Variants in FN3KRP observed in about 807,000 individuals in gnomAD.
FN3KRP encodes the protein fructosamine 3 kinase related protein, also known as ketosamine-3-kinase.
A neutral mutation model predicts 29.8 loss-of-function variants in FN3KRP; 33 were observed. The ratio of observed to expected loss-of-function variants is 1.11; its 90% CI spans 0.84 to 1.48. The LOEUF (loss-of-function observed/expected upper bound fraction) is 1.48, where lower values mean the gene tolerates loss of function less well. Ranked by LOEUF, FN3KRP falls within the 40% of genes most tolerant of loss-of-function variation. The pLI is 0.00. For missense variants in FN3KRP, 430 were observed against 402.6 expected (o/e 1.07, Z -0.58); for synonymous variants, 157 against 155.2 (o/e 1.01, Z -0.09).
chr17:82,726,383 C>T (rs1433302588), intron 4 of FN3KRP, 97 bp from the exon 5 acceptor site: 42 of 1,501,146 alleles, frequency 2.8e-5, no homozygotes, highest in Non-Finnish European at 3.8e-5. Context: ...CGTGCCGCTC[C>T]TGCAGCCCTC....
chr17:82,719,823 C>T (rs1266081343), intron 2 of FN3KRP, among the ~76,000 whole-genome samples: 1 of 152,058 alleles, frequency 6.6e-6, no homozygotes, highest in Non-Finnish European at 1.5e-5. Flanking sequence ...TAATCAACAC[C>T]TTTATCCCCC....
chr17:82,726,009 C>G (rs9889672), intron 4 of FN3KRP, among the ~76,000 whole-genome samples: 87 of 152,216 alleles, frequency 5.7e-4, no homozygotes, highest in African/African-American at 1.8e-3. Flanking sequence ...GAAACCCCGT[C>G]TCTACTAAAA....
chr17:82,725,206 C>T (rs1292487003), intron 4 of FN3KRP, among the ~76,000 whole-genome samples: 2 of 152,132 alleles, frequency 1.3e-5, no homozygotes, highest in African/African-American at 2.4e-5. Context: ...TAGCTCACTG[C>T]AGCCTCAAAC....
At chr17:82,726,206 G>A (rs2046835916) in intron 4 of FN3KRP, among the ~76,000 whole-genome samples, 1 of 151,520 alleles carries the variant, frequency 6.6e-6, no homozygotes, top group Non-Finnish European at 1.5e-5. Flanking sequence ...AAAAAAAAAT[G>A]TTCTAGAAGC....
In FN3KRP at chr17:82,727,301, T is replaced by G; in HGVS notation, c.*130T>G. On this transcript the variant is annotated 3_prime_UTR_variant, in exon 6 of 6. Transcript: ENST00000269373. ...GCTTATTTCCAAGCCTTGCAAAGTA[T>G]ATAATATCTAAGAGGAAAGGTTTTG... 1 of 818,502 alleles carries G rather than the reference T, an allele frequency of 1.2e-6. No individual in the cohort carries two copies. The highest frequency in any genetic ancestry group is 2.7e-5 in the Admixed American group (1 of 36,392). 50.7% of individuals were successfully genotyped at this position (818,502 alleles called of 1,614,324 possible). A position where few individuals can be genotyped will look rare whatever the true frequency, so the allele number is the denominator to read the frequency against.
In FN3KRP at chr17:82,719,074, C is replaced by CCCCCCAT. The variant is rs1366219653; in HGVS notation, c.293+23_293+24insTCCCCCA. On this transcript the variant is annotated intron_variant, in intron 2 of 5. Transcript: ENST00000269373. ...TCTGAGCAGGTGCATCTTCACACCA[C>CCCCCCAT]CCCCCACCTGGCTTTATTACCTGAG... 2.5e-6 allele frequency: 4 copies of CCCCCCAT among 1,580,008 alleles called. No individual in the cohort carries two copies. The African/African-American group carries it at 4.2e-5, about 17-fold the overall frequency.
rs1301670778 is a variant in FN3KRP at position 82,727,007 on chromosome 17, A to T, written c.766A>T (p.Ser256Cys). 3.0e-5 allele frequency: 48 copies of T among 1,614,132 alleles called. No homozygotes were observed. The highest frequency in any genetic ancestry group is 4.0e-5 in the Non-Finnish European group (47 of 1,180,034). ...AATAGCTGGCATGTTTGGGGGCTTT[A>T]GCAGCTCCTTTTACTCCGCCTACCA... ...LAIAGMFGGF[S>C]SSFYSAYHGK... Residue 256 changes from serine (S) to cysteine (C), a missense_variant, in exon 6 of 6, where the codon AGC becomes TGC. Coordinates refer to ENST00000269373, the MANE Select transcript of FN3KRP (RefSeq NM_024619.4).
rs138910887 is a variant in FN3KRP, at chr17:82,726,854, C to A, written c.613C>A (p.Arg205Ser). 1.3e-6 allele frequency: 2 copies of A among 1,548,524 alleles called. No individual in the cohort carries two copies. The highest frequency in any genetic ancestry group is 4.0e-5 in the Admixed American group (2 of 49,608). ...GCAGTTAAAGATCCCTGACCTGTTCCGTGACCTGGAGATCATCCCAGCCTT... is the reference window on the plus strand; with the variant it reads ...GCAGTTAAAGATCCCTGACCTGTTCAGTGACCTGGAGATCATCCCAGCCTT... ...ALQLKIPDLF[R>S]DLEIIPALLH... Residue 205 changes from arginine (R) to serine (S), a missense_variant, in exon 6 of 6, where the codon CGT becomes AGT. By Grantham distance (110) the Arg-to-Ser change is moderately radical (BLOSUM62 -1). Coordinates refer to ENST00000269373, the MANE Select transcript of FN3KRP (RefSeq NM_024619.4).
At chr17:82,723,672 T>C (rs1453235193) in intron 4 of FN3KRP, among the ~76,000 whole-genome samples, 1 of 151,420 alleles carries the variant, frequency 6.6e-6, no homozygotes, top group African/African-American at 2.5e-5. Context: ...TGCGCGCACA[T>C]GTATGTGTGC....
chr17:82,722,709 G>C (rs2046806570), intron 3 of FN3KRP, 95 bp from the exon 4 acceptor site: 1 of 1,196,474 alleles, frequency 8.4e-7, no homozygotes, highest in Admixed American at 1.9e-5. Flanking sequence ...GCTGGTAGGA[G>C]CTCGCTGAGG....
In FN3KRP at chr17:82,726,716, G is replaced by A. The variant is rs146104198; in HGVS notation, c.591+114G>A. 939 of 1,512,476 alleles carry A rather than the reference G, an allele frequency of 6.2e-4. 7 individuals carry two copies. In the East Asian group the frequency reaches 0.017, roughly 28 times the overall value. 93.7% of individuals were successfully genotyped at this position (1,512,476 alleles called of 1,614,324 possible). ...CTGAGTCTGATTCTGGGTGGGAAGC[G>A]GGTGCCTGGTGGTGTGCTATCCGCT... On this transcript the variant is annotated intron_variant, in intron 5 of 5. Coordinates refer to ENST00000269373, the MANE Select transcript of FN3KRP (RefSeq NM_024619.4).
In FN3KRP at chr17:82,726,930, C is replaced by T. The variant is rs556222572; in HGVS notation, c.689C>T (p.Pro230Leu). The stretch of plus-strand genomic sequence containing the variant: ...AACGTAGCAGAGGATTCCTCTGGGC[C>T]GGTGATTTTTGACCCAGCTTCTTTC... ...GGNVAEDSSG[P>L]VIFDPASFYG... The change falls in exon 6 of 6, where the codon CCG becomes CTG. Residue 230 changes from proline (P) to leucine (L), a missense_variant. By Grantham distance (98) the Pro-to-Leu change is moderately conservative. Transcript: ENST00000269373. 123 of 1,612,794 alleles carry T rather than the reference C, an allele frequency of 7.6e-5. No homozygotes were observed. Among genetic ancestry groups the T allele is most frequent in the East Asian group, 5.6e-4 (25 of 44,876 alleles).
At chr17:82,717,042 C>T (rs1453839908) in intron 1 of FN3KRP, 146 bp downstream of exon 1, 2 of 1,058,524 alleles carry the variant, frequency 1.9e-6, no homozygotes, top group Non-Finnish European at 2.6e-6. Flanking sequence ...TTGCGGGGAA[C>T]CCTTTGCGCG....
chr17:82,716,722 A>G lies in FN3KRP; in HGVS notation c.-34A>G. 1 of 1,464,738 alleles carries G rather than the reference A, an allele frequency of 6.8e-7. No individual in the cohort carries two copies. The highest frequency in any genetic ancestry group is 9.0e-7 in the Non-Finnish European group (1 of 1,114,670). The allele number at this position is 1,464,738 out of a possible 1,614,324, so 90.7% of individuals were successfully genotyped here. ...GGCCGCCGTCTCTCGAGTCTCCGCC[A>G]GATCCGGGGCGGGTCCGCGGCCGCG... On this transcript the variant is annotated 5_prime_UTR_variant, in exon 1 of 6. Transcript: ENST00000269373.
rs147707874 is a variant in FN3KRP, at chr17:82,719,017, G to A, written c.253G>A (p.Val85Met). 23 of 1,614,134 alleles carry A rather than the reference G, an allele frequency of 1.4e-5. No homozygotes were observed. In the East Asian group the frequency reaches 1.6e-4, roughly 11 times the overall value. ...KVLDAPGGGSVLVMEHMDMRH... is the reference protein window; with the variant it reads ...KVLDAPGGGSMLVMEHMDMRH... Reference sequence around the variant, plus strand: ...TCTGGATGCCCCAGGCGGCGGGAGCGTGCTGGTGATGGAGCACATGGACAT... The same window carrying A: ...TCTGGATGCCCCAGGCGGCGGGAGCATGCTGGTGATGGAGCACATGGACAT... Residue 85 changes from valine (V) to methionine (M), a missense_variant, in exon 2 of 6, where the codon GTG becomes ATG. By Grantham distance (21) the Val-to-Met change is conservative. Coordinates refer to ENST00000269373, the MANE Select transcript of FN3KRP (RefSeq NM_024619.4).
chr17:82,724,835 G>A (rs1423284906), intron 4 of FN3KRP, among the ~76,000 whole-genome samples: 1 of 151,946 alleles, frequency 6.6e-6, no homozygotes, highest in East Asian at 1.9e-4. Context: ...TTGAGATGGA[G>A]TCTCGCTCTG....
chr17:82,724,885 T>C (rs1356001307), intron 4 of FN3KRP, among the ~76,000 whole-genome samples: 1 of 151,936 alleles, frequency 6.6e-6, no homozygotes, highest in Non-Finnish European at 1.5e-5. Context: ...CTTGGCTCAC[T>C]GCAAGTTCCG....
intron 4 of FN3KRP, among the ~76,000 whole-genome samples, chr17:82,726,102 C>T (rs539984591): frequency 1.3e-5 from 2 of 152,168 alleles, no homozygotes; most frequent in East Asian, 1.9e-4. Flanking sequence ...ATTGCTTGAA[C>T]CCGGGAGGCA....
chr17:82,716,828 A>G lies in FN3KRP; in HGVS notation c.73A>G (p.Ile25Val). 1 of 1,556,258 alleles carries G rather than the reference A, an allele frequency of 6.4e-7. No homozygotes were observed. Among genetic ancestry groups the G allele is most frequent in the Admixed American group, 2.0e-5 (1 of 49,612 alleles). ...CACGGGCCACTCGGGGGGCGGGTGCATCAGCCAGGGCCGGAGCTACGACAC... is the reference window on the plus strand; with the variant it reads ...CACGGGCCACTCGGGGGGCGGGTGCGTCAGCCAGGGCCGGAGCTACGACAC... Reference protein sequence around the residue: ...RATGHSGGGCISQGRSYDTDQ... With the variant: ...RATGHSGGGCVSQGRSYDTDQ... Residue 25 changes from isoleucine (I) to valine (V), a missense_variant, in exon 1 of 6, where the codon ATC becomes GTC. Ile to Val is a conservative substitution (Grantham distance 29, BLOSUM62 3). Transcript: ENST00000269373.
Sources: allele counts gnomAD v4.1 joint callset (sites outside exome capture counted in the v4.1 genomes callset), GRCh38; gene constraint gnomAD v4.1.1; transcripts MANE v1.5; gene names NCBI Gene and HGNC (gene_info 2026-07-23, HGNC 2026-07-21).